Variants in RARB observed in about 807,000 individuals in gnomAD.
The protein encoded by RARB is HBV-activated protein.
In RARB, 17 loss-of-function variants were observed where a neutral mutation model predicts 51.9. The ratio of observed to expected loss-of-function variants is 0.33; its 90% CI spans 0.22 to 0.49. The LOEUF (loss-of-function observed/expected upper bound fraction) is 0.49. RARB is among the 20% of genes least tolerant of loss of function. The probability of loss-of-function intolerance (pLI) is 0.99; values close to 1 mark genes in which losing one functional copy is unlikely to be tolerated. For missense variants in RARB, 369 were observed against 550.8 expected (o/e 0.67, Z 3.30); for synonymous variants, 215 against 195.4 (o/e 1.10, Z -0.84).
intron 3 of RARB, among the ~76,000 whole-genome samples, chr3:25,075,712 C>G (rs994755782): frequency 6.6e-6 from 1 of 150,714 alleles, no homozygotes; most frequent in South Asian, 2.1e-4. Flanking sequence ...ATGACTATGA[C>G]ATTTGTTGGA....
intron 5 of RARB, among the ~76,000 whole-genome samples, chr3:25,359,172 T>G (rs1226680047): frequency 6.6e-6 from 1 of 152,164 alleles, no homozygotes; most frequent in African/African-American, 2.4e-5. Context: ...GTTTTTGGTC[T>G]ATTCAGGGAT....
Position 25,406,344 on chromosome 3 carries a change from C to A in RARB, c.179-54849C>A, listed in dbSNP as rs145862966. Among the ~76,000 whole-genome samples, 348 of 152,268 alleles carry A rather than the reference C, an allele frequency of 2.3e-3. 1 individual carries two copies. Among genetic ancestry groups the A allele is most frequent in the African/African-American group, 7.8e-3 (326 of 41,558 alleles). On this transcript the variant is annotated intron_variant, in intron 5 of 11. Coordinates refer to the RARB transcript ENST00000383772. ...GATTGTATTTGTCTGCTCAGGCTGC[C>A]GTAACAAAATTCCACAGACTGGGCG...
intron 5 of RARB, among the ~76,000 whole-genome samples, chr3:25,259,444 T>G (rs1311040715): frequency 1.3e-5 from 2 of 152,148 alleles, no homozygotes; most frequent in Non-Finnish European, 2.9e-5. Flanking sequence ...ATAAAAATCT[T>G]CTGTATAATT....
At chr3:25,147,384 C>A (rs1014313743) in intron 4 of RARB, among the ~76,000 whole-genome samples, 2 of 152,106 alleles carry the variant, frequency 1.3e-5, no homozygotes, top group African/African-American at 4.8e-5. Context: ...TGTGCCATGG[C>A]CACATCTCTG....
At chr3:25,160,204 CTAAGGCTGCAGATAAA>C (rs1241542239) in intron 4 of RARB, among the ~76,000 whole-genome samples, 1 of 152,214 alleles carries the variant, frequency 6.6e-6, no homozygotes, top group East Asian at 1.9e-4. Context: ...CAGGACAGCT[CTAAGGCTGCAGATAAA>C]TAAATGACCT....
chr3:25,255,113 C>G (rs1702829114), intron 5 of RARB, among the ~76,000 whole-genome samples: 1 of 152,174 alleles, frequency 6.6e-6, no homozygotes, highest in Non-Finnish European at 1.5e-5. Flanking sequence ...TAGGGTAACA[C>G]TCACACATTT....
At chr3:25,327,276 G>C (rs897318146) in intron 5 of RARB, among the ~76,000 whole-genome samples, 1 of 152,024 alleles carries the variant, frequency 6.6e-6, no homozygotes, top group African/African-American at 2.4e-5. Context: ...CAAAATTTCA[G>C]ACTAGAAGGG....
intron 5 of RARB, among the ~76,000 whole-genome samples, chr3:25,290,922 G>A (rs777760891): frequency 2.0e-5 from 3 of 152,046 alleles, no homozygotes; most frequent in Admixed American, 1.3e-4. Context: ...TTATATCATC[G>A]CCAGTGTTCG....
intron 5 of RARB, among the ~76,000 whole-genome samples, chr3:25,273,061 A>C (rs1703290696): frequency 6.6e-6 from 1 of 152,164 alleles, no homozygotes; most frequent in South Asian, 2.1e-4. Flanking sequence ...GATAGTCTGC[A>C]AGCACATAGA....
chr3:25,085,744 A>G (rs1183755242), intron 3 of RARB, among the ~76,000 whole-genome samples: 3 of 152,132 alleles, frequency 2.0e-5, no homozygotes, highest in Non-Finnish European at 4.4e-5. Context: ...CCCCTCCATA[A>G]TTGCTCAGAC....
At chr3:25,229,831 A>C (rs2125389550) in intron 5 of RARB, among the ~76,000 whole-genome samples, 1 of 152,236 alleles carries the variant, frequency 6.6e-6, no homozygotes. Flanking sequence ...AGTGTGAAAA[A>C]GTAAACAGTT....
rs1346734743 is a variant in RARB at position 25,517,942 on chromosome 3, C to A, written c.448+16619C>A. Among the ~76,000 whole-genome samples, 5 of 152,062 alleles carry A rather than the reference C, an allele frequency of 3.3e-5. No individual in the cohort carries two copies. In the East Asian group the frequency reaches 9.6e-4, roughly 29 times the overall value. ...ATCCATACAAAATGTCCAGAAAGGG[C>A]AAATCCATAGAAACACAAAGTAACT... On this transcript the variant is annotated intron_variant, in intron 3 of 7. Coordinates refer to ENST00000330688, the MANE Select transcript of RARB (RefSeq NM_000965.5).
chr3:25,440,434 G>T (rs114120291), intron 1 of RARB, among the ~76,000 whole-genome samples: 1 of 150,674 alleles, frequency 6.6e-6, no homozygotes, highest in African/African-American at 2.4e-5. Flanking sequence ...GCAACAGAGG[G>T]AGATCCTGTC....
At chr3:24,986,502 G>A (rs1696796957) in intron 2 of RARB, among the ~76,000 whole-genome samples, 1 of 152,104 alleles carries the variant, frequency 6.6e-6, no homozygotes, top group Non-Finnish European at 1.5e-5. Context: ...TGATTACTTT[G>A]GGATTAATGT....
intron 5 of RARB, among the ~76,000 whole-genome samples, chr3:25,227,568 G>A (rs962490648): frequency 1.3e-5 from 2 of 152,012 alleles, no homozygotes; most frequent in African/African-American, 4.8e-5. Context: ...AGCTTGCTGT[G>A]GAAGATGAAG....
intron 3 of RARB, among the ~76,000 whole-genome samples, chr3:25,556,232 C>T (rs1040099372): frequency 6.6e-6 from 1 of 152,144 alleles, no homozygotes; most frequent in Non-Finnish European, 1.5e-5. Flanking sequence ...CAATCCTTTA[C>T]AGACAGTGCA....
chr3:25,361,923 G>C lies in RARB; in HGVS notation c.179-99270G>C, dbSNP rs530788410. On this transcript the variant is annotated intron_variant, in intron 5 of 11. Transcript: ENST00000383772. ...CTGTTTGAGGTATCTGTCGACCCCT[G>C]CTGGGAGGTGTCTCCCTTTCAGGAG... Among the ~76,000 whole-genome samples, 183 of 152,308 alleles carry C rather than the reference G, an allele frequency of 1.2e-3. 1 individual carries two copies. The highest frequency in any genetic ancestry group is 2.1e-3 in the Non-Finnish European group (144 of 68,026).
intron 5 of RARB, among the ~76,000 whole-genome samples, chr3:25,245,968 G>T (rs2125398856): frequency 6.6e-6 from 1 of 152,122 alleles, no homozygotes; most frequent in Non-Finnish European, 1.5e-5. Context: ...TCAAACGTGG[G>T]TTTGGTCTTT....
At chr3:25,488,198 G>T (rs1335560379) in intron 2 of RARB, among the ~76,000 whole-genome samples, 2 of 152,142 alleles carry the variant, frequency 1.3e-5, no homozygotes, top group African/African-American at 4.8e-5. Flanking sequence ...CGGGGGCCCG[G>T]CTCTTTTTCC....
Sources: allele counts gnomAD v4.1 joint callset (sites outside exome capture counted in the v4.1 genomes callset), GRCh38; gene constraint gnomAD v4.1.1; transcripts MANE v1.5; gene names NCBI Gene and HGNC (gene_info 2026-07-23, HGNC 2026-07-21).